Variants in ATAD1 observed in about 807,000 individuals in gnomAD.
ATAD1 encodes outer mitochondrial transmembrane helix translocase.
In ATAD1, 18 loss-of-function variants were observed where a neutral mutation model predicts 42.7. The ratio of observed to expected loss-of-function variants is 0.42; its 90% CI spans 0.29 to 0.63. The LOEUF (loss-of-function observed/expected upper bound fraction) is 0.63, where lower values mean the gene tolerates loss of function less well. Ranked by LOEUF, ATAD1 falls within the 20% of genes least tolerant of loss-of-function variation. ATAD1 has a pLI of 0.19. For synonymous variants in ATAD1, 132 were observed against 143.1 expected (o/e 0.92, Z 0.55); for missense variants, 294 against 440.4 (o/e 0.67, Z 2.98).
chr10:87,825,083 AC>A (rs1375574622), intron 1 of ATAD1, among the ~76,000 whole-genome samples: 1 of 152,178 alleles, frequency 6.6e-6, no homozygotes, highest in Non-Finnish European at 1.5e-5. Context: ...AAAGATTGAA[AC>A]ATCTTATAAA....
chr10:87,780,913 C>CT (rs902151025), intron 5 of ATAD1, among the ~76,000 whole-genome samples: 56 of 152,300 alleles, frequency 3.7e-4, no homozygotes, highest in African/African-American at 1.3e-3. Flanking sequence ...TGCCTGGGCT[C>CT]TGAGGGGTAA....
intron 1 of ATAD1, among the ~76,000 whole-genome samples, chr10:87,828,084 A>G (rs1012467108): frequency 6.6e-6 from 1 of 151,980 alleles, no homozygotes; most frequent in Admixed American, 6.6e-5. Context: ...CAACCTCCCA[A>G]GTAGCTTGTA....
intron 5 of ATAD1, among the ~76,000 whole-genome samples, chr10:87,783,333 C>A (rs191896372): frequency 1.3e-5 from 2 of 151,644 alleles, no homozygotes; most frequent in Non-Finnish European, 2.9e-5. Flanking sequence ...GATCACGCCA[C>A]TGCATTCCAG....
chr10:87,777,046 T>C (rs755862676), intron 5 of ATAD1, among the ~76,000 whole-genome samples: 1 of 152,170 alleles, frequency 6.6e-6, no homozygotes, highest in Non-Finnish European at 1.5e-5. Flanking sequence ...ACTTGGTAAA[T>C]TATTAGGCAA....
chr10:87,780,085 G>C (rs1057015575), intron 5 of ATAD1, among the ~76,000 whole-genome samples: 2 of 152,064 alleles, frequency 1.3e-5, no homozygotes, highest in Non-Finnish European at 2.9e-5. Flanking sequence ...TAGACGAATG[G>C]AAAAACTAAC....
chr10:87,797,093 T>C (rs957038335), intron 2 of ATAD1, among the ~76,000 whole-genome samples: 2 of 152,178 alleles, frequency 1.3e-5, no homozygotes, highest in African/African-American at 2.4e-5. Context: ...AGTAGCTGAA[T>C]TGGGGTTTTG....
intron 6 of ATAD1, among the ~76,000 whole-genome samples, chr10:87,771,369 G>A (rs1249174812): frequency 6.6e-6 from 1 of 152,054 alleles, no homozygotes; most frequent in Non-Finnish European, 1.5e-5. Context: ...GCAAAATATG[G>A]TGCTTAATGA....
At chr10:87,788,673 TA>T (rs938607233) in intron 4 of ATAD1, among the ~76,000 whole-genome samples, 1 of 152,148 alleles carries the variant, frequency 6.6e-6, no homozygotes, top group Non-Finnish European at 1.5e-5. Flanking sequence ...ATAACACTGA[TA>T]AAAAAAGAAG....
In ATAD1 at chr10:87,814,463, T is replaced by G; in HGVS notation, c.137A>C (p.Lys46Thr). The change falls in exon 2 of 10, where the codon AAG (lysine) becomes ACG (threonine). Residue 46 changes from lysine (K) to threonine (T), a missense_variant. Physicochemically the swap from Lys to Thr is moderately conservative, Grantham distance 78. Coordinates refer to ENST00000680024, the MANE Select transcript of ATAD1 (RefSeq NM_001321967.2). ...WMVDAIDPTRKQKVEAQKQAE... is the reference protein window; with the variant it reads ...WMVDAIDPTRTQKVEAQKQAE... The stretch of plus-strand genomic sequence containing the variant: ...CTGTTTCTGAGCTTCTACTTTTTGC[T>G]TTCTGGTTGGATCAATTGCATCTAC... The G allele has an allele frequency of 6.2e-7, 1 of 1,601,248 alleles. No individual in the cohort carries two copies. Among genetic ancestry groups the G allele is most frequent in the Non-Finnish European group, 8.5e-7 (1 of 1,174,276 alleles).
chr10:87,775,144 G>A (rs1227241057), intron 6 of ATAD1, among the ~76,000 whole-genome samples: 1 of 151,704 alleles, frequency 6.6e-6, no homozygotes, highest in African/African-American at 2.4e-5. Context: ...AAGTTGGCTG[G>A]GCGCAGTGGT....
chr10:87,806,126 T>C (rs1171875474), intron 2 of ATAD1, among the ~76,000 whole-genome samples: 1 of 152,150 alleles, frequency 6.6e-6, no homozygotes, highest in Admixed American at 6.6e-5. Flanking sequence ...ATTATTTCTT[T>C]GCAGAACATA....
At chr10:87,778,689 C>T (rs1855428388) in intron 5 of ATAD1, among the ~76,000 whole-genome samples, 1 of 152,054 alleles carries the variant, frequency 6.6e-6, no homozygotes, top group Admixed American at 6.6e-5. Context: ...TTTTGGAGTA[C>T]TTTGTATCTT....
chr10:87,805,805 A>G (rs1484110798), intron 2 of ATAD1, among the ~76,000 whole-genome samples: 1 of 151,030 alleles, frequency 6.6e-6, no homozygotes, highest in Non-Finnish European at 1.5e-5. Context: ...CTCTAGAATG[A>G]CCATGTTCTT....
At chr10:87,822,393 G>A (rs1383531648), upstream of ATAD1, among the ~76,000 whole-genome samples, 1 of 152,152 alleles carries the variant, frequency 6.6e-6, no homozygotes, top group Non-Finnish European at 1.5e-5. Flanking sequence ...ACCTGAAGCT[G>A]TACTTGAAGC....
chr10:87,804,129 G>C (rs1856822105), intron 2 of ATAD1, among the ~76,000 whole-genome samples: 1 of 152,148 alleles, frequency 6.6e-6, no homozygotes, highest in Admixed American at 6.5e-5. Flanking sequence ...TGGCAGTTGA[G>C]AGTTCCAAGT....
intron 2 of ATAD1, among the ~76,000 whole-genome samples, chr10:87,806,494 T>C (rs768298267): frequency 3.3e-5 from 5 of 152,276 alleles, no homozygotes; most frequent in South Asian, 2.1e-4. Flanking sequence ...CAATCCTAAA[T>C]TGAAATCATC....
At chr10:87,809,742 C>T (rs758881932) in intron 2 of ATAD1, among the ~76,000 whole-genome samples, 1 of 151,768 alleles carries the variant, frequency 6.6e-6, no homozygotes, top group African/African-American at 2.4e-5. Flanking sequence ...TTGTAACCCC[C>T]GCCTCCTGGA....
At chr10:87,834,726 A>T (rs2132115573) in intron 1 of ATAD1, among the ~76,000 whole-genome samples, 1 of 151,986 alleles carries the variant, frequency 6.6e-6, no homozygotes, top group East Asian at 1.9e-4. Flanking sequence ...TTGTTTCATT[A>T]ATTTTTCTCT....
intron 2 of ATAD1, among the ~76,000 whole-genome samples, chr10:87,812,628 T>G (rs1857238569): frequency 6.6e-6 from 1 of 152,168 alleles, no homozygotes; most frequent in African/African-American, 2.4e-5. Flanking sequence ...ACCAAGAAGC[T>G]ATAGCCGTTG....
Sources: allele counts gnomAD v4.1 joint callset (sites outside exome capture counted in the v4.1 genomes callset), GRCh38; gene constraint gnomAD v4.1.1; transcripts MANE v1.5; gene names NCBI Gene and HGNC (gene_info 2026-07-23, HGNC 2026-07-21).